Variants in ERCC2 observed in about 807,000 individuals in gnomAD.
ERCC2 encodes the protein ERCC excision repair 2, TFIIH core complex helicase subunit.
A neutral mutation model predicts 99.4 loss-of-function variants in ERCC2; 90 were observed. The observed-to-expected ratio is 0.91, with a 90% CI of 0.76 to 1.08. The LOEUF is 1.08. Among genes scored for constraint, ERCC2 ranks in the 50% least tolerant of loss-of-function variants. The pLI, the probability that ERCC2 is intolerant of heterozygous loss-of-function variation, is 0.00. For synonymous variants in ERCC2, 497 were observed against 432.4 expected, an observed-to-expected ratio of 1.15 and a Z score of -1.85; for missense variants, 993 against 1,038.1, an observed-to-expected ratio of 0.96 and a Z score of 0.60.
rs1313714299 is a variant in ERCC2, at chr19:45,350,813, AC to A, written c.*815del. On this transcript the variant is annotated 3_prime_UTR_variant, in exon 23 of 23. Transcript: ENST00000391945. ...AGAATCCACAGCCCACCCCACCCCC[AC>A]CCCCATCTTGCTCAAGAACCTTCCA... 8.8e-6 allele frequency: 4 copies of A among 453,624 alleles called. No individual in the cohort carries two copies. The highest frequency in any genetic ancestry group is 6.8e-6 in the Non-Finnish European group (2 of 292,614). 28.1% of individuals were successfully genotyped at this position (453,624 alleles called of 1,614,324 possible). A position where few individuals can be genotyped will look rare whatever the true frequency, so the allele number is the denominator to read the frequency against.
rs1192166210 is a variant in ERCC2, at chr19:45,357,351, G to C, written c.1398C>G (p.Ile466Met). 3.1e-6 allele frequency: 5 copies of C among 1,613,966 alleles called. No homozygotes were observed. The highest frequency in any genetic ancestry group is 4.2e-6 in the Non-Finnish European group (5 of 1,179,932). Residue 466 changes from isoleucine (I) to methionine (M), a missense_variant, in exon 15 of 23, where the codon ATC becomes ATG. This residue lies in a region of ERCC2 where 909 missense variants were observed against 930.8 expected (regional missense o/e 0.98). Transcript: ENST00000391945. ...ITSGTLSPLDIYPKILDFHPV... is the reference protein window; with the variant it reads ...ITSGTLSPLDMYPKILDFHPV... ...GGTGGAAGTCCAGGATCTTGGGGTA[G>C]ATGTCCAGCGGGGACAGTGTCTGTG...
In ERCC2 at chr19:45,351,117, T is replaced by TG; in HGVS notation, c.*511dup. The TG allele has an allele frequency of 6.2e-7, 1 of 1,605,652 alleles. No individual in the cohort carries two copies. Among genetic ancestry groups the TG allele is most frequent in the Non-Finnish European group, 8.5e-7 (1 of 1,175,780 alleles). On this transcript the variant is annotated 3_prime_UTR_variant, in exon 23 of 23. Coordinates refer to ENST00000391945, the MANE Select transcript of ERCC2 (RefSeq NM_000400.4). ...TCGGGCCAGTGGTGGAGTCAGCAGG[T>TG]GGTGGGTTGGTGTCAGAAGAGACCC...
rs2123286013 is a variant in ERCC2 at position 45,363,853 on chromosome 19, C to CA, written c.1007dup (p.Leu337AlafsTer41). 5 of 1,549,824 alleles carry CA rather than the reference C, an allele frequency of 3.2e-6. No homozygotes were observed. Among genetic ancestry groups the CA allele is most frequent in the Non-Finnish European group, 4.3e-6 (5 of 1,154,464 alleles). On this transcript the variant is annotated frameshift_variant, in exon 11 of 23. Coordinates refer to ENST00000391945, the MANE Select transcript of ERCC2 (RefSeq NM_000400.4). LOFTEE classifies it high-confidence loss of function. Reference sequence around the variant, plus strand: ...GCAGCCGCCACTTCACGTACTCCAGCAGCCGCCTCAGGAAGCCCAGGAAAT... The same window carrying CA: ...GCAGCCGCCACTTCACGTACTCCAGCAAGCCGCCTCAGGAAGCCCAGGAAAT...
rs1041610239 is a variant in ERCC2 at position 45,363,705 on chromosome 19, T to C, written c.1118+38A>G. The C allele has an allele frequency of 1.4e-5, 21 of 1,518,820 alleles. No homozygotes were observed. The African/African-American group carries it at 2.6e-4, about 19-fold the overall frequency. 94.1% of individuals were successfully genotyped at this position (1,518,820 alleles called of 1,614,324 possible). ...GACACGGCTCTGCATAACCGGGACC[T>C]GCCGGGCCCCCACCCCGCGCGCTGT... is the stretch of plus-strand genomic sequence containing the variant. On this transcript the variant is annotated intron_variant, in intron 11 of 22. Transcript: ENST00000391945.
rs4621081 is a variant in ERCC2 at position 45,352,131 on chromosome 19, A to G, written c.2190+78T>C. The stretch of plus-strand genomic sequence containing the variant: ...GAGGACAGGCAGGCTGAGGGTGGGG[A>G]GTGGGGAGAATCCAAGGGGACTTTC... On this transcript the variant is annotated intron_variant, in intron 22 of 22. Coordinates refer to ENST00000391945, the MANE Select transcript of ERCC2 (RefSeq NM_000400.4). 1.1e-5 allele frequency: 16 copies of G among 1,484,834 alleles called. No homozygotes were observed. In the East Asian group the frequency reaches 2.8e-4, roughly 26 times the overall value. 92.0% of individuals were successfully genotyped at this position (1,484,834 alleles called of 1,614,324 possible). A position where few individuals can be genotyped will look rare whatever the true frequency, so the allele number is the denominator to read the frequency against.
intron 11 of ERCC2, among the ~76,000 whole-genome samples, chr19:45,362,696 G>C (rs1222032767): frequency 6.6e-6 from 1 of 152,260 alleles, no homozygotes; most frequent in Non-Finnish European, 1.5e-5. Flanking sequence ...GCATGAAGCA[G>C]GCACTTGGGG....
intron 17 of ERCC2, among the ~76,000 whole-genome samples, 169 bp from the exon 18 acceptor site, chr19:45,353,503 G>C (rs1339830049): frequency 6.6e-6 from 1 of 152,176 alleles, no homozygotes; most frequent in Non-Finnish European, 1.5e-5. Flanking sequence ...TGGGGAAACA[G>C]TGATCTGGGT....
intron 12 of ERCC2, chr19:45,358,754 A>C: frequency 1.3e-6 from 1 of 752,966 alleles, no homozygotes; most frequent in Non-Finnish European, 2.5e-6. Context: ...CAACACAACA[A>C]TGTATTTTTT....
At position 45,351,726 on chromosome 19, in the gene ERCC2, A is replaced by C. The variant is rs1971788877; in HGVS notation, c.2191-5T>G. On this transcript the variant is annotated splice_region_variant and splice_polypyrimidine_tract_variant and intron_variant, in intron 22 of 22. Transcript: ENST00000391945. ...GGACAGGCCCAGCTGATCCTCCTGCAGAGAACAGAGGAAAGGGAGAGGGGG... is the reference window on the plus strand; with the variant it reads ...GGACAGGCCCAGCTGATCCTCCTGCCGAGAACAGAGGAAAGGGAGAGGGGG... 3.1e-6 allele frequency: 5 copies of C among 1,613,646 alleles called. No homozygotes were observed. Among genetic ancestry groups the C allele is most frequent in the Non-Finnish European group, 3.4e-6 (4 of 1,179,894 alleles).
At chr19:45,359,318 T>C (rs1365016286) in intron 12 of ERCC2, among the ~76,000 whole-genome samples, 2 of 151,992 alleles carry the variant, frequency 1.3e-5, no homozygotes, top group African/African-American at 2.4e-5. Context: ...GGATGGAAGA[T>C]GGGGCAGGAC....
rs750755806 is a variant in ERCC2, at chr19:45,353,129, G to C, written c.1785C>G (p.Ile595Met). ...CTTTGCCCCGGGCCACTGACAGCAG[G>C]ATGGCCCCGCGGCCATTCTCGCAGG... ...QEACENGRGA[I>M]LLSVARGKVS... Residue 595 changes from isoleucine (I) to methionine (M), a missense_variant, in exon 19 of 23, where the codon ATC becomes ATG. Coordinates refer to ENST00000391945, the MANE Select transcript of ERCC2 (RefSeq NM_000400.4). The C allele has an allele frequency of 3.7e-6, 6 of 1,613,658 alleles. No individual in the cohort carries two copies. The highest frequency in any genetic ancestry group is 5.1e-6 in the Non-Finnish European group (6 of 1,179,894).
chr19:45,370,424 A>G, intron 1 of ERCC2, 112 bp downstream of exon 1: 3 of 562,342 alleles, frequency 5.3e-6, no homozygotes, highest in Non-Finnish European at 7.5e-6. Context: ...CCCCCGTCCC[A>G]CCCCTTCACC....
In ERCC2 at chr19:45,364,323, A is replaced by G; in HGVS notation, c.727T>C (p.Cys243Arg). Residue 243 changes from cysteine (C) to arginine (R), a missense_variant, in exon 9 of 23, where the codon TGC becomes CGC. Cys to Arg is a radical substitution (Grantham distance 180, BLOSUM62 -3). Around this residue, in one of 3 missense-constraint regions of ERCC2, gnomAD observed 909 missense variants for 930.8 expected, o/e 0.98. Coordinates refer to ENST00000391945, the MANE Select transcript of ERCC2 (RefSeq NM_000400.4). ...AGGTTGACGCTCATGGAGTCGATGC[A>G]GACGTTGTCTGGAGAAGGGGGAGAG... ...FDEAHNIDNV[C>R]IDSMSVNLTR... 1 of 1,614,004 alleles carries G rather than the reference A, an allele frequency of 6.2e-7. No homozygotes were observed. Among genetic ancestry groups the G allele is most frequent in the Non-Finnish European group, 8.5e-7 (1 of 1,179,998 alleles).
intron 9 of ERCC2, 21 bp downstream of exon 9, chr19:45,364,214 G>C (rs1176394382): frequency 6.2e-7 from 1 of 1,612,396 alleles, no homozygotes; most frequent in Non-Finnish European, 8.5e-7. Context: ...GGGCACCACC[G>C]CCAGACGTCC....
rs771819170 is a variant in ERCC2, at chr19:45,355,694, C to CT, written c.1513dup (p.Ser505LysfsTer5). The CT allele has an allele frequency of 6.2e-7, 1 of 1,614,204 alleles. No individual in the cohort carries two copies. Among genetic ancestry groups the CT allele is most frequent in the Non-Finnish European group, 8.5e-7 (1 of 1,180,024 alleles). ...ATCCTCCCGGGTCTCAAATTTGGAG[C>CT]TGATGGCCACCTGGTCATTGCCACG... On this transcript the variant is annotated frameshift_variant, in exon 16 of 23. Transcript: ENST00000391945. LOFTEE classifies it high-confidence loss of function.
intron 11 of ERCC2, among the ~76,000 whole-genome samples, chr19:45,362,770 G>A (rs1419911212): frequency 3.9e-5 from 6 of 152,222 alleles, no homozygotes; most frequent in Admixed American, 3.3e-4. Context: ...TGGGGAAGAT[G>A]GGCAAACCCA....
intron 5 of ERCC2, among the ~76,000 whole-genome samples, chr19:45,367,275 T>C (rs1156474107): frequency 6.6e-6 from 1 of 151,852 alleles, no homozygotes; most frequent in Non-Finnish European, 1.5e-5. Flanking sequence ...GCGGAGCTTG[T>C]AGTAAGCCAA....
chr19:45,368,897 G>A, intron 4 of ERCC2, 33 bp downstream of exon 4: 1 of 1,609,738 alleles, frequency 6.2e-7, no homozygotes, highest in East Asian at 2.2e-5. Flanking sequence ...AGGGAACAGT[G>A]GGGCTGGAGC....
At position 45,351,706 on chromosome 19, in the gene ERCC2, G is replaced by A. The variant is rs1340827497; in HGVS notation, c.2206C>T (p.Leu736=). 4 of 1,613,864 alleles carry A rather than the reference G, an allele frequency of 2.5e-6. No homozygotes were observed. Among genetic ancestry groups the A allele is most frequent in the Non-Finnish European group, 2.5e-6 (3 of 1,179,996 alleles). The change falls in exon 23 of 23, where the codon CTG becomes TTG. Residue 736 remains leucine (L), a synonymous_variant. Coordinates refer to ENST00000391945, the MANE Select transcript of ERCC2 (RefSeq NM_000400.4). ...QPFHREDQLG[L]SLLSLEQLES... ...AGCTGCTCCAGGCTGAGCAGGGACAGGCCCAGCTGATCCTCCTGCAGAGAA... is the reference window on the plus strand; with the variant it reads ...AGCTGCTCCAGGCTGAGCAGGGACAAGCCCAGCTGATCCTCCTGCAGAGAA...
Sources: allele counts gnomAD v4.1 joint callset (sites outside exome capture counted in the v4.1 genomes callset), GRCh38; gene constraint gnomAD v4.1.1; regional missense constraint gnomAD v4.1.1; transcripts MANE v1.5; gene names NCBI Gene and HGNC (gene_info 2026-07-23, HGNC 2026-07-21).